KCNN3: variants seen among roughly 807,000 people sequenced by gnomAD.
KCNN3 encodes the protein potassium calcium-activated channel subfamily N member 3, also known as small conductance calcium-activated potassium channel protein 3.
A neutral mutation model predicts 62.9 loss-of-function variants in KCNN3; 16 were observed. The ratio of observed to expected loss-of-function variants is 0.25; its 90% CI spans 0.17 to 0.39. KCNN3 has a LOEUF of 0.39. KCNN3 is among the 10% of genes least tolerant of loss of function. KCNN3 has a pLI of 1.00. For synonymous variants in KCNN3, 370 were observed against 389.2 expected (o/e 0.95, Z 0.58); for missense variants, 599 against 949.4 (o/e 0.63, Z 4.85).
At chr1:154,755,777 A>AGAGAGAGTGGAGGAG (rs769729550) in intron 3 of KCNN3, among the ~76,000 whole-genome samples, 1 of 8,514 alleles carries the variant, frequency 1.2e-4, no homozygotes, top group East Asian at 0.022. Context: ...GTGGAGGAGG[A>AGAGAGAGTGGAGGAG]GAGAGAGAGG....
chr1:154,783,733 C>A (rs1016511192), intron 2 of KCNN3, among the ~76,000 whole-genome samples: 2 of 152,176 alleles, frequency 1.3e-5, no homozygotes, highest in Non-Finnish European at 2.9e-5. Flanking sequence ...CACCTTGGGC[C>A]AGTCCCATGA....
rs1035621450 is a variant in KCNN3, at chr1:154,779,938, T to C, written c.1030-7545A>G. Among the ~76,000 whole-genome samples, 12 of 151,888 alleles carry C rather than the reference T, an allele frequency of 7.9e-5. 1 individual carries two copies. Among genetic ancestry groups the C allele is most frequent in the Admixed American group, 7.9e-4 (12 of 15,244 alleles). On this transcript the variant is annotated intron_variant, in intron 2 of 7. Coordinates refer to ENST00000271915, the MANE Select transcript of KCNN3 (RefSeq NM_002249.6). ...AGGTCTGACCTTTCCCTGGTTAGAGTGTCTCGCCAAGCAAAGATGTCATCA... is the reference window on the plus strand; with the variant it reads ...AGGTCTGACCTTTCCCTGGTTAGAGCGTCTCGCCAAGCAAAGATGTCATCA...
rs188816852 is a variant in KCNN3 at position 154,853,051 on chromosome 1, G to A, written c.933+15981C>T. ...GTCACCCAGGCTGGAGCACAGTGGC[G>A]TAATCACAGCTCACTGCATCCTCGA... On this transcript the variant is annotated intron_variant, in intron 1 of 7. Coordinates refer to ENST00000271915, the MANE Select transcript of KCNN3 (RefSeq NM_002249.6). Among the ~76,000 whole-genome samples, 12 of 151,948 alleles carry A rather than the reference G, an allele frequency of 7.9e-5. No homozygotes were observed. The East Asian group carries it at 1.6e-3, about 20-fold the overall frequency.
chr1:154,789,188 C>G (rs1649407632), intron 2 of KCNN3, among the ~76,000 whole-genome samples: 1 of 152,172 alleles, frequency 6.6e-6, no homozygotes, highest in Non-Finnish European at 1.5e-5. Flanking sequence ...CTCGTAGCCT[C>G]TTCTCCCACC....
Position 154,712,044 on chromosome 1 carries a change from AAGAGAGAGACAGGGAGAGGG to A in KCNN3, c.1899+1400_1899+1419del, listed in dbSNP as rs1487391673. On this transcript the variant is annotated intron_variant, in intron 7 of 7. Transcript: ENST00000271915. ...AGAGAGAGACAGGGAAAGGGAGAGG[AAGAGAGAGACAGGGAGAGGG>A]AGAGAGAACTGAAGCAGTCACTTAA... Among the ~76,000 whole-genome samples, 48 of 151,654 alleles carry A rather than the reference AAGAGAGAGACAGGGAGAGGG, an allele frequency of 3.2e-4. 1 individual carries two copies. Among genetic ancestry groups the A allele is most frequent in the Admixed American group, 3.0e-3 (45 of 15,226 alleles).
intron 3 of KCNN3, among the ~76,000 whole-genome samples, chr1:154,760,017 T>C (rs1325971296): frequency 6.6e-6 from 1 of 152,024 alleles, no homozygotes; most frequent in African/African-American, 2.4e-5. Context: ...CTTTTCCTTC[T>C]TTCTTTCTTT....
chr1:154,734,420 T>C (rs1331792141), intron 3 of KCNN3, among the ~76,000 whole-genome samples: 1 of 152,172 alleles, frequency 6.6e-6, no homozygotes, highest in Non-Finnish European at 1.5e-5. Context: ...GGAAGTCAGT[T>C]ACCATTGGGG....
At chr1:154,764,999 G>C (rs1648191704) in intron 3 of KCNN3, among the ~76,000 whole-genome samples, 1 of 152,114 alleles carries the variant, frequency 6.6e-6, no homozygotes, top group South Asian at 2.1e-4. Context: ...TTAAAATACT[G>C]TGGAACTGTT....
At chr1:154,852,058 G>GAGCC (rs1368328516) in intron 1 of KCNN3, among the ~76,000 whole-genome samples, 1 of 152,196 alleles carries the variant, frequency 6.6e-6, no homozygotes, top group Non-Finnish European at 1.5e-5. Flanking sequence ...GTGAGGACAC[G>GAGCC]AGCCACGTGT....
chr1:154,725,946 G>A lies in KCNN3; in HGVS notation c.1671C>T (p.Asn557=). 6.2e-7 allele frequency: 1 copy of A among 1,614,150 alleles called. No homozygotes were observed. ...ELTKAEKHVH[N]FMMDTQLTKR... Reference sequence around the variant, plus strand: ...TGGTGAGCTGAGTGTCCATCATGAAGTTATGAACGTGCTTCTCCGCTTTGG... The same window carrying A: ...TGGTGAGCTGAGTGTCCATCATGAAATTATGAACGTGCTTCTCCGCTTTGG... Residue 557 remains asparagine, a synonymous_variant, in exon 5 of 8, where the codon AAC becomes AAT. Coordinates refer to ENST00000271915, the MANE Select transcript of KCNN3 (RefSeq NM_002249.6).
At chr1:154,737,451 G>A (rs965889427) in intron 3 of KCNN3, among the ~76,000 whole-genome samples, 2 of 152,122 alleles carry the variant, frequency 1.3e-5, no homozygotes, top group Non-Finnish European at 2.9e-5. Context: ...AAAGTTGTTA[G>A]TCTCCTACTT....
Position 154,804,507 on chromosome 1 carries a change from A to G in KCNN3, c.1029+17582T>C, listed in dbSNP as rs115225097. ...TATATCATTAATTAGCTGTTCACCTATTTGACTCCTTCCCTTCTCCTTACC... is the reference window on the plus strand; with the variant it reads ...TATATCATTAATTAGCTGTTCACCTGTTTGACTCCTTCCCTTCTCCTTACC... On this transcript the variant is annotated intron_variant, in intron 2 of 7. Transcript: ENST00000271915. Among the ~76,000 whole-genome samples the G allele has an allele frequency of 5.8e-3, 889 of 152,284 alleles. 12 individuals are homozygous for G. Among genetic ancestry groups the G allele is most frequent in the African/African-American group, 0.02 (837 of 41,562 alleles).
At chr1:154,812,674 A>G (rs1650465605) in intron 2 of KCNN3, among the ~76,000 whole-genome samples, 2 of 152,228 alleles carry the variant, frequency 1.3e-5, no homozygotes, top group Non-Finnish European at 2.9e-5. Flanking sequence ...TTACTCTATT[A>G]TCCTGAAAAC....
At chr1:154,852,649 T>G (rs1371003789) in intron 1 of KCNN3, among the ~76,000 whole-genome samples, 2 of 152,368 alleles carry the variant, frequency 1.3e-5, no homozygotes, top group East Asian at 1.9e-4. Context: ...AAAAATAAAG[T>G]GTAAAAGATC....
intron 1 of KCNN3, among the ~76,000 whole-genome samples, chr1:154,845,508 A>C (rs942421914): frequency 3.3e-5 from 5 of 152,110 alleles, no homozygotes; most frequent in African/African-American, 1.2e-4. Flanking sequence ...TGCTTTTCTC[A>C]CTGCGGGGGC....
chr1:154,733,087 G>T lies in KCNN3; in HGVS notation c.1506C>A (p.Ser502=). 6.2e-7 allele frequency: 1 copy of T among 1,614,146 alleles called. No individual in the cohort carries two copies. The change falls in exon 4 of 8, where the codon TCC becomes TCA. Residue 502 remains serine, a synonymous_variant. Transcript: ENST00000271915. ...SNFLGAMWLI[S]ITFLSIGYGD... is the part of the protein sequence containing the mutation. ...CATAACCAATGGAAAGGAATGTGATGGAGATGAGCCACATGGCACCCAGAA... is the reference window on the plus strand; with the variant it reads ...CATAACCAATGGAAAGGAATGTGATTGAGATGAGCCACATGGCACCCAGAA...
At chr1:154,773,641 G>A (rs1242488653) in intron 2 of KCNN3, among the ~76,000 whole-genome samples, 1 of 152,222 alleles carries the variant, frequency 6.6e-6, no homozygotes, top group Non-Finnish European at 1.5e-5. Flanking sequence ...TGCTTGGTGT[G>A]TGGGAACCAC....
chr1:154,850,851 A>G (rs1017702484), intron 1 of KCNN3, among the ~76,000 whole-genome samples: 8 of 152,252 alleles, frequency 5.3e-5, no homozygotes. Flanking sequence ...TCATCAGCCC[A>G]GAGCAGGGAG....
intron 2 of KCNN3, among the ~76,000 whole-genome samples, chr1:154,794,442 C>G (rs1314368591): frequency 6.6e-6 from 1 of 152,246 alleles, no homozygotes; most frequent in Non-Finnish European, 1.5e-5. Flanking sequence ...ATGTAAATGA[C>G]TCCATCAGCC....
Sources: gnomAD v4.1 joint callset for allele counts (sites outside exome capture counted in the v4.1 genomes callset) on GRCh38, gnomAD v4.1.1 for gene constraint, MANE v1.5 for transcripts, NCBI Gene and HGNC (gene_info 2026-07-23, HGNC 2026-07-21) for gene names.